The following FER variants were observed in gnomAD, a reference collection of about 807,000 sequenced individuals.
FER encodes tyrosine-protein kinase Fer.
In FER, 63 loss-of-function variants were observed where a neutral mutation model predicts 111.0. The observed-to-expected ratio is 0.57, with a 90% confidence interval of 0.46 to 0.70. The LOEUF (loss-of-function observed/expected upper bound fraction) is 0.70. Among genes scored for constraint, FER ranks in the 30% least tolerant of loss-of-function variants. The pLI is 0.00. For missense variants in FER, 914 were observed against 954.0 expected, an observed-to-expected ratio of 0.96 and a Z score of 0.55; for synonymous variants, 327 against 313.9, an observed-to-expected ratio of 1.04 and a Z score of -0.44.
At chr5:109,031,409 G>A (rs1461842583) in intron 13 of FER, among the ~76,000 whole-genome samples, 1 of 152,060 alleles carries the variant, frequency 6.6e-6, no homozygotes, top group African/African-American at 2.4e-5. Context: ...CTTGTCCAAT[G>A]ACCATAGTAT....
intron 10 of FER, among the ~76,000 whole-genome samples, chr5:108,928,900 C>CTAA: frequency 6.6e-6 from 1 of 152,134 alleles, no homozygotes; most frequent in South Asian, 2.1e-4. Context: ...TAATCTGTGT[C>CTAA]TAATATTTTA....
intron 8 of FER, among the ~76,000 whole-genome samples, chr5:108,879,642 G>A (rs1265974450): frequency 6.9e-6 from 1 of 144,896 alleles, no homozygotes; most frequent in East Asian, 2.0e-4. Flanking sequence ...TTTTTAAGGG[G>A]ATAATGGTAA....
At chr5:108,783,371 A>G (rs190967043) in intron 2 of FER, among the ~76,000 whole-genome samples, 53 of 152,262 alleles carry the variant, frequency 3.5e-4, no homozygotes, top group Non-Finnish European at 4.6e-4. Context: ...GAGAATTTAC[A>G]ATTGATTGTT....
intron 2 of FER, among the ~76,000 whole-genome samples, chr5:108,797,634 G>T (rs954110168): frequency 1.3e-5 from 2 of 152,226 alleles, no homozygotes; most frequent in Non-Finnish European, 2.9e-5. Flanking sequence ...TTGATGATTC[G>T]AGACTGTGTT....
chr5:108,963,543 C>A (rs948406384), intron 13 of FER, among the ~76,000 whole-genome samples: 8 of 152,078 alleles, frequency 5.3e-5, no homozygotes, highest in Non-Finnish European at 1.0e-4. Flanking sequence ...GCCTGGGCAA[C>A]AGAGTGAAAC....
At position 108,960,228 on chromosome 5, in the gene FER, T is replaced by C. The variant is rs189321013; in HGVS notation, c.1656+881T>C. Among the ~76,000 whole-genome samples, 5 of 152,318 alleles carry C rather than the reference T, an allele frequency of 3.3e-5. No individual in the cohort carries two copies. In the East Asian group the frequency reaches 9.6e-4, roughly 29 times the overall value. ...CTGGTACCTAGTCTGGATTTAGTGA[T>C]TTGGAAATTTAAAAAACAAGTATTT... On this transcript the variant is annotated intron_variant, in intron 13 of 19. Transcript: ENST00000281092.
intron 2 of FER, among the ~76,000 whole-genome samples, chr5:108,779,525 G>A (rs1156324417): frequency 1.3e-5 from 2 of 152,116 alleles, no homozygotes; most frequent in East Asian, 1.9e-4. Flanking sequence ...AGATTTATAT[G>A]TAAGTATGTC....
At chr5:108,978,185 G>C (rs994521348) in intron 13 of FER, among the ~76,000 whole-genome samples, 3 of 152,146 alleles carry the variant, frequency 2.0e-5, no homozygotes, top group African/African-American at 4.8e-5. Flanking sequence ...ATGTTTAGAT[G>C]TTTGGAATAT....
At chr5:109,182,883 C>T (rs774763718) in intron 18 of FER, among the ~76,000 whole-genome samples, 6 of 152,018 alleles carry the variant, frequency 3.9e-5, no homozygotes, top group Non-Finnish European at 7.4e-5. Context: ...ACTTTGTCAC[C>T]CGGGCTGGAG....
At chr5:109,137,189 G>C (rs1752987496) in intron 17 of FER, among the ~76,000 whole-genome samples, 1 of 152,122 alleles carries the variant, frequency 6.6e-6, no homozygotes, top group African/African-American at 2.4e-5. Flanking sequence ...CCTAGGGTAA[G>C]TCATGAAAGG....
chr5:109,136,752 G>A (rs941139385), intron 17 of FER, among the ~76,000 whole-genome samples: 5 of 151,626 alleles, frequency 3.3e-5, no homozygotes, highest in African/African-American at 1.2e-4. Flanking sequence ...TCACTACCAT[G>A]CAAAACCTCT....
Position 108,777,304 on chromosome 5 carries a change from C to T in FER, c.-60+9066C>T, listed in dbSNP as rs1753597577. Reference sequence around the variant, plus strand: ...TTTTTTTAGAGCAGTTTTAAGTTAACAGCAAAATTTGGAGAAAGGTACAGA... The same window carrying T: ...TTTTTTTAGAGCAGTTTTAAGTTAATAGCAAAATTTGGAGAAAGGTACAGA... On this transcript the variant is annotated intron_variant, in intron 2 of 19. Coordinates refer to ENST00000281092, the MANE Select transcript of FER (RefSeq NM_005246.4). Among the ~76,000 whole-genome samples, 5 of 152,144 alleles carry T rather than the reference C, an allele frequency of 3.3e-5. No individual in the cohort carries two copies. The South Asian group carries it at 1.0e-3, about 32-fold the overall frequency.
intron 17 of FER, among the ~76,000 whole-genome samples, chr5:109,161,537 G>A (rs1034808043): frequency 6.6e-6 from 1 of 151,880 alleles, no homozygotes; most frequent in East Asian, 1.9e-4. Flanking sequence ...TCCTGCATTA[G>A]TTTGCTAAGG....
chr5:108,937,980 C>T (rs1174908825), intron 10 of FER, among the ~76,000 whole-genome samples: 1 of 150,696 alleles, frequency 6.6e-6, no homozygotes, highest in Non-Finnish European at 1.5e-5. Flanking sequence ...CTCTTTCCTT[C>T]CTTTATTTCC....
intron 17 of FER, among the ~76,000 whole-genome samples, chr5:109,137,743 C>A (rs759499835): frequency 5.9e-5 from 9 of 152,080 alleles, no homozygotes; most frequent in Non-Finnish European, 1.3e-4. Context: ...TGATGGATAC[C>A]TTTTTGTAGT....
chr5:109,128,068 A>G (rs1174437691), intron 17 of FER, among the ~76,000 whole-genome samples: 1 of 152,168 alleles, frequency 6.6e-6, no homozygotes, highest in African/African-American at 2.4e-5. Flanking sequence ...TTTAGCGTTT[A>G]AATTGAGATG....
chr5:108,999,865 G>T (rs1764494135), intron 13 of FER, among the ~76,000 whole-genome samples: 1 of 151,742 alleles, frequency 6.6e-6, no homozygotes, highest in Non-Finnish European at 1.5e-5. Context: ...CTTCAATGTG[G>T]GATTATGGAT....
chr5:108,877,932 G>A (rs752235154), intron 8 of FER, among the ~76,000 whole-genome samples: 3 of 151,786 alleles, frequency 2.0e-5, no homozygotes, highest in Non-Finnish European at 2.9e-5. Flanking sequence ...TTTAGACTGA[G>A]TCTTGCTCTG....
chr5:108,821,105 A>T (rs1234678102), intron 3 of FER, among the ~76,000 whole-genome samples: 1 of 152,198 alleles, frequency 6.6e-6, no homozygotes. Context: ...GAGTGAGACT[A>T]CGTCTCAAAA....
Sources: allele counts gnomAD v4.1 joint callset (sites outside exome capture counted in the v4.1 genomes callset), GRCh38; gene constraint gnomAD v4.1.1; transcripts MANE v1.5; gene names NCBI Gene and HGNC (gene_info 2026-07-23, HGNC 2026-07-21).